Variants in RPS6KA2 observed in about 807,000 individuals in gnomAD.
RPS6KA2 encodes the protein ribosomal protein S6 kinase alpha-2.
Under a neutral mutation model 91.8 loss-of-function variants are expected in RPS6KA2, and 42 were observed. The ratio of observed to expected loss-of-function variants is 0.46; its 90% CI spans 0.36 to 0.59. The LOEUF (loss-of-function observed/expected upper bound fraction) is 0.59. Among genes scored for constraint, RPS6KA2 ranks in the 20% least tolerant of loss-of-function variants. The pLI is 0.00. For missense variants in RPS6KA2, 798 were observed against 978.5 expected (o/e 0.82, Z 2.46); for synonymous variants, 414 against 393.6 (o/e 1.05, Z -0.61).
chr6:166,540,455 T>G, intron 1 of RPS6KA2, among the ~76,000 whole-genome samples: 1 of 152,230 alleles, frequency 6.6e-6, no homozygotes, highest in Non-Finnish European at 1.5e-5. Flanking sequence ...AGTGGTTTTT[T>G]TTTGTTTGTT....
At chr6:166,757,818 AAAACCCCCGCTTTGC>A in intron 2 of RPS6KA2, 1 of 304,770 alleles carries the variant, frequency 3.3e-6, no homozygotes, top group South Asian at 2.6e-5. Flanking sequence ...GGCTGCAGAC[AAAACCCCCGCTTTGC>A]AAACTCAGAA....
rs897494117 is a variant in RPS6KA2 at position 166,563,392 on chromosome 6, G to C, written c.100-24608C>G. ...CTTTTCCTCCCAGTCTCCTGGGCTC[G>C]CCGCCAGCGGTGGGATCCCTCTTCC... On this transcript the variant is annotated intron_variant, in intron 1 of 20. Coordinates refer to ENST00000265678, the MANE Select transcript of RPS6KA2 (RefSeq NM_021135.6). This position sits in a 1 kb window ranked among gnomAD's most constrained non-coding sequence, Gnocchi z 4.1. Among the ~76,000 whole-genome samples, 1 of 152,162 alleles carries C rather than the reference G, an allele frequency of 6.6e-6. No individual in the cohort carries two copies. The highest frequency in any genetic ancestry group is 1.5e-5 in the Non-Finnish European group (1 of 68,024).
chr6:166,589,569 T>A (rs543419527), intron 1 of RPS6KA2, among the ~76,000 whole-genome samples: 1 of 152,330 alleles, frequency 6.6e-6, no homozygotes, highest in Admixed American at 6.5e-5. Context: ...AACAATGTCA[T>A]TCTACCCTTA....
At chr6:166,743,268 C>T (rs982116568) in intron 2 of RPS6KA2, among the ~76,000 whole-genome samples, 5 of 152,252 alleles carry the variant, frequency 3.3e-5, no homozygotes, top group African/African-American at 1.2e-4. Flanking sequence ...AAAACTCACA[C>T]TGCGGGACTT....
intron 2 of RPS6KA2, among the ~76,000 whole-genome samples, chr6:166,815,312 C>A (rs756345011): frequency 1.3e-5 from 2 of 152,206 alleles, no homozygotes; most frequent in East Asian, 3.8e-4. Flanking sequence ...GTCACTGAGG[C>A]ACAGGGCACT....
rs190742222 is a variant in RPS6KA2, at chr6:166,561,561, G to A, written c.100-22777C>T. ...GACTCTCTCATCTGCTTGACTCTGT[G>A]GGGGGAGTCCTGGGTCAGTGCTTAC... is the stretch of plus-strand genomic sequence containing the variant. On this transcript the variant is annotated intron_variant, in intron 1 of 20. Coordinates refer to ENST00000265678, the MANE Select transcript of RPS6KA2 (RefSeq NM_021135.6). Among the ~76,000 whole-genome samples, 4 of 151,802 alleles carry A rather than the reference G, an allele frequency of 2.6e-5. No individual in the cohort carries two copies. The East Asian group carries it at 7.8e-4, about 29-fold the overall frequency.
chr6:166,786,145 C>A (rs970526018), intron 2 of RPS6KA2, among the ~76,000 whole-genome samples: 1 of 152,184 alleles, frequency 6.6e-6, no homozygotes, highest in Non-Finnish European at 1.5e-5. Context: ...AAGCTGATAT[C>A]ACAGTACATT....
chr6:166,422,835 G>T (rs1382021864), intron 17 of RPS6KA2, among the ~76,000 whole-genome samples: 1 of 152,134 alleles, frequency 6.6e-6, no homozygotes, highest in East Asian at 1.9e-4. Flanking sequence ...GAGAATTGGG[G>T]TGCAGAGAAA....
At chr6:166,663,907 A>G (rs886524689) in intron 2 of RPS6KA2, among the ~76,000 whole-genome samples, 1 of 152,232 alleles carries the variant, frequency 6.6e-6, no homozygotes, top group African/African-American at 2.4e-5. Flanking sequence ...TTTAAGTTCA[A>G]AATTGATTAT....
rs1582970161 is a variant in RPS6KA2 at position 166,635,933 on chromosome 6, C to T, written c.124-97149G>A. 6.6e-6 allele frequency among the ~76,000 whole-genome samples: 1 copy of T among 152,218 alleles called. No individual in the cohort carries two copies. The highest frequency in any genetic ancestry group is 6.5e-5 in the Admixed American group (1 of 15,288). ...CAACCCTACTCTAGACCAGGGTGGT[C>T]ACCTGCTAGCTTGGCCGCCCATGGC... On this transcript the variant is annotated intron_variant, in intron 2 of 21. Transcript: ENST00000503859. The surrounding 1 kb of genome is among the most constrained non-coding windows in gnomAD (Gnocchi z 4.8).
intron 2 of RPS6KA2, among the ~76,000 whole-genome samples, chr6:166,753,357 T>C (rs1269370592): frequency 6.6e-6 from 1 of 152,238 alleles, no homozygotes; most frequent in Admixed American, 6.5e-5. Flanking sequence ...AAATTTTAGT[T>C]ATAACTTCAG....
upstream of RPS6KA2, chr6:166,627,330 GGCAC>G (rs1786929822): frequency 1.6e-6 from 1 of 629,652 alleles, no homozygotes; most frequent in Non-Finnish European, 2.0e-6. Context: ...TCCGCGCCCC[GGCAC>G]GCACACCTCC....
chr6:166,459,551 T>A lies in RPS6KA2; in HGVS notation c.973A>T (p.Thr325Ser), dbSNP rs771350281. ...GGCTTGATCTCCTTCCGGTACAGCG[T>A]CTATTAATACAAGGAAAGCAAGACA... is the stretch of plus-strand genomic sequence containing the variant. ...HPFFVTIDWN[T>S]LYRKEIKPPF... The change falls in exon 12 of 21, where the codon ACG becomes TCG. Residue 325 changes from threonine (T) to serine (S), a missense_variant and splice_region_variant. Coordinates refer to ENST00000265678, the MANE Select transcript of RPS6KA2 (RefSeq NM_021135.6). This position sits in a 1 kb window ranked among gnomAD's most constrained non-coding sequence, Gnocchi z 4.9. 1 of 1,611,058 alleles carries A rather than the reference T, an allele frequency of 6.2e-7. No homozygotes were observed. Among genetic ancestry groups the A allele is most frequent in the East Asian group, 2.2e-5 (1 of 44,858 alleles).
intron 2 of RPS6KA2, among the ~76,000 whole-genome samples, chr6:166,721,429 C>T (rs1373265376): frequency 6.6e-6 from 1 of 152,230 alleles, no homozygotes. Flanking sequence ...CAGCTGAACC[C>T]CCTCCATTGC....
chr6:166,600,151 T>C (rs184183424), intron 1 of RPS6KA2, among the ~76,000 whole-genome samples: 224 of 152,232 alleles, frequency 1.5e-3, no homozygotes, highest in African/African-American at 5.1e-3. Flanking sequence ...GCACCTACTA[T>C]AGGTGCACCA....
In RPS6KA2 at chr6:166,701,132, C is replaced by G. The variant is rs1239912123; in HGVS notation, c.123+157068G>C. 25 of 1,611,928 alleles carry G rather than the reference C, an allele frequency of 1.6e-5. 1 individual carries two copies. In the South Asian group the frequency reaches 2.4e-4, roughly 16 times the overall value. On this transcript the variant is annotated intron_variant, in intron 2 of 21. Coordinates refer to the RPS6KA2 transcript ENST00000503859. ...GACTGAGGTGGTCCACTTTGCAGAG[C>G]CTTCTGTTGTTGCTGCTGCTTTACC...
intron 2 of RPS6KA2, among the ~76,000 whole-genome samples, chr6:166,670,779 C>T (rs1022652574): frequency 6.6e-6 from 1 of 152,146 alleles, no homozygotes. Context: ...CTTAAGGCTA[C>T]CCTCAAATGT....
chr6:166,816,071 TA>T (rs1779751536), intron 2 of RPS6KA2, among the ~76,000 whole-genome samples: 1 of 152,150 alleles, frequency 6.6e-6, no homozygotes, highest in South Asian at 2.1e-4. Context: ...GACAGATGAT[TA>T]AAACACTTTC....
intron 10 of RPS6KA2, among the ~76,000 whole-genome samples, chr6:166,483,603 T>C (rs1490875662): frequency 6.6e-6 from 1 of 152,234 alleles, no homozygotes; most frequent in Non-Finnish European, 1.5e-5. Context: ...TTCCTCTTTT[T>C]AAGATTAAGG....
Sources: allele counts gnomAD v4.1 joint callset (sites outside exome capture counted in the v4.1 genomes callset), GRCh38; gene constraint gnomAD v4.1.1; non-coding constraint Gnocchi (gnomAD v3.1); transcripts MANE v1.5; gene names NCBI Gene and HGNC (gene_info 2026-07-23, HGNC 2026-07-21).